The following SMAD2 variants were observed in gnomAD, a reference collection of about 807,000 sequenced individuals.
SMAD2 encodes MAD homolog 2.
In SMAD2, 8 loss-of-function variants were observed where a neutral mutation model predicts 64.4. The ratio of observed to expected loss-of-function variants is 0.12; its 90% CI spans 0.07 to 0.22. The LOEUF is 0.22. SMAD2 is among the 10% of genes least tolerant of loss of function. The pLI is 1.00. For synonymous variants in SMAD2, 203 were observed against 195.8 expected, an observed-to-expected ratio of 1.04 and a Z score of -0.31; for missense variants, 289 against 561.2, an observed-to-expected ratio of 0.51 and a Z score of 4.90.
intron 6 of SMAD2, among the ~76,000 whole-genome samples, chr18:47,860,988 T>C (rs189007027): frequency 6.6e-6 from 1 of 152,260 alleles, no homozygotes; most frequent in East Asian, 1.9e-4. Context: ...ATGTCCATTC[T>C]TATAGCTTCA....
chr18:47,920,790 C>T (rs866523979), intron 1 of SMAD2, among the ~76,000 whole-genome samples: 12 of 152,138 alleles, frequency 7.9e-5, no homozygotes, highest in Admixed American at 3.9e-4. Flanking sequence ...GCTATATAAA[C>T]GAAGTTATTT....
rs1913329684 is a variant in SMAD2 at position 47,835,472 on chromosome 18, T to C, written c.*6355A>G. On this transcript the variant is annotated 3_prime_UTR_variant, in exon 11 of 11. Coordinates refer to ENST00000262160, the MANE Select transcript of SMAD2 (RefSeq NM_005901.6). ...AGCTCGAACAATCCAAGATTGGGAATAGTAAGAGTGGCAAACAAATGTTTT... is the reference window on the plus strand; with the variant it reads ...AGCTCGAACAATCCAAGATTGGGAACAGTAAGAGTGGCAAACAAATGTTTT... 1 of 199,830 alleles carries C rather than the reference T, an allele frequency of 5.0e-6. No individual in the cohort carries two copies. Among genetic ancestry groups the C allele is most frequent in the African/African-American group, 2.3e-5 (1 of 43,474 alleles). The allele number at this position is 199,830 out of a possible 1,614,324, so 12.4% of individuals were successfully genotyped here. A position where few individuals can be genotyped will look rare whatever the true frequency, so the allele number is the denominator to read the frequency against.
chr18:47,914,780 A>AC (rs966661639), intron 1 of SMAD2, among the ~76,000 whole-genome samples: 2 of 151,648 alleles, frequency 1.3e-5, no homozygotes, highest in South Asian at 2.1e-4. Context: ...TGTCAGGGTG[A>AC]CCCCCCTTCC....
At position 47,850,225 on chromosome 18, in the gene SMAD2, ATATATAT is replaced by A. The variant is rs1195063877; in HGVS notation, c.784+1042_784+1048del. On this transcript the variant is annotated intron_variant, in intron 7 of 10. Transcript: ENST00000262160. ...ATATATATTATTATATATATGTATAATATATATTATATATTATATATTATATATATTA... is the reference window on the plus strand; with the variant it reads ...ATATATATTATTATATATATGTATAATATATATTATATATTATATATATTA... Among the ~76,000 whole-genome samples the A allele has an allele frequency of 2.1e-3, 113 of 54,438 alleles. 6 individuals carry two copies. Among genetic ancestry groups the A allele is most frequent in the East Asian group, 8.9e-3 (8 of 894 alleles). 35.7% of individuals were successfully genotyped at this position (54,438 alleles called of 152,430 possible).
rs71162900 is a variant in SMAD2 at position 47,882,041 on chromosome 18, C to CTTTTTTTTTTTTTTTTTTTTTTTTTTTTT, written c.237-11478_237-11477insAAAAAAAAAAAAAAAAAAAAAAAAAAAAA. On this transcript the variant is annotated intron_variant, in intron 2 of 10. Transcript: ENST00000262160. ...CACAGGAATGTACTACCACGCTTGG[C>CTTTTTTTTTTTTTTTTTTTTTTTTTTTTT]TTTTTTTTTTTTTTTTTTTTTTTTT... Among the ~76,000 whole-genome samples, 44 of 38,868 alleles carry CTTTTTTTTTTTTTTTTTTTTTTTTTTTTT rather than the reference C, an allele frequency of 1.1e-3. 7 individuals are homozygous for CTTTTTTTTTTTTTTTTTTTTTTTTTTTTT. Among genetic ancestry groups the CTTTTTTTTTTTTTTTTTTTTTTTTTTTTT allele is most frequent in the East Asian group, 3.4e-3 (4 of 1,168 alleles). 25.5% of individuals were successfully genotyped at this position (38,868 alleles called of 152,430 possible).
intron 2 of SMAD2, among the ~76,000 whole-genome samples, chr18:47,874,205 G>A (rs751591706): frequency 6.6e-6 from 1 of 152,138 alleles, no homozygotes; most frequent in Non-Finnish European, 1.5e-5. Context: ...GATATAAAAT[G>A]TATATGGAAA....
intron 2 of SMAD2, among the ~76,000 whole-genome samples, chr18:47,877,159 GTATT>G (rs1321302491): frequency 6.8e-6 from 1 of 147,890 alleles, no homozygotes; most frequent in Non-Finnish European, 1.5e-5. Context: ...CCTAAACAGT[GTATT>G]TTTTTTTTTT....
rs556862493 is a variant in SMAD2, at chr18:47,839,448, C to G, written c.*2379G>C. On this transcript the variant is annotated 3_prime_UTR_variant, in exon 11 of 11. Coordinates refer to ENST00000262160, the MANE Select transcript of SMAD2 (RefSeq NM_005901.6). ...TATTACCTAGGACATTTACTCTGCTCACAAGATGGGTAGTGGAAGACATAA... is the reference window on the plus strand; with the variant it reads ...TATTACCTAGGACATTTACTCTGCTGACAAGATGGGTAGTGGAAGACATAA... 7 of 233,300 alleles carry G rather than the reference C, an allele frequency of 3.0e-5. No homozygotes were observed. Among genetic ancestry groups the G allele is most frequent in the Admixed American group, 2.2e-4 (4 of 17,786 alleles). The allele number at this position is 233,300 out of a possible 1,614,324, so 14.5% of individuals were successfully genotyped here.
intron 7 of SMAD2, among the ~76,000 whole-genome samples, chr18:47,849,413 T>C (rs924345670): frequency 6.6e-6 from 1 of 151,878 alleles, no homozygotes; most frequent in Non-Finnish European, 1.5e-5. Flanking sequence ...ATTCCAAACA[T>C]GTAACAACCG....
chr18:47,912,067 C>G (rs2034158508), intron 1 of SMAD2: 1 of 152,176 alleles, frequency 6.6e-6, no homozygotes, highest in Non-Finnish European at 1.5e-5. Context: ...AAAGTTGACA[C>G]CAGAGCACAA....
intron 1 of SMAD2, among the ~76,000 whole-genome samples, chr18:47,910,033 C>T (rs1568107638): frequency 6.6e-6 from 1 of 152,082 alleles, no homozygotes; most frequent in Non-Finnish European, 1.5e-5. Context: ...GATGCCATTG[C>T]TGTTATAGAA....
At chr18:47,866,090 G>A (rs1293327966) in intron 5 of SMAD2, among the ~76,000 whole-genome samples, 1 of 152,084 alleles carries the variant, frequency 6.6e-6, no homozygotes, top group African/African-American at 2.4e-5. Flanking sequence ...GCCGAGGCAG[G>A]CAGATCACCT....
At chr18:47,918,984 C>A (rs1358540007) in intron 1 of SMAD2, among the ~76,000 whole-genome samples, 2 of 151,720 alleles carry the variant, frequency 1.3e-5, no homozygotes, top group African/African-American at 4.8e-5. Flanking sequence ...TGGAAAGGGC[C>A]CATCAAGACC....
chr18:47,917,033 G>A (rs775895848), intron 1 of SMAD2, among the ~76,000 whole-genome samples: 14 of 151,884 alleles, frequency 9.2e-5, no homozygotes, highest in Non-Finnish European at 1.5e-5. Flanking sequence ...TTTTGTTGTC[G>A]TTGTTGAGAC....
intron 2 of SMAD2, among the ~76,000 whole-genome samples, chr18:47,885,132 T>TATACACAC (rs1399778516): frequency 3.9e-4 from 55 of 142,188 alleles, no homozygotes; most frequent in South Asian, 9.4e-4. Flanking sequence ...TTTAGTCATA[T>TATACACAC]ACACACACAC....
rs1259409307 is a variant in SMAD2, at chr18:47,835,354, T to C, written c.*6473A>G. 4.9e-6 allele frequency: 1 copy of C among 203,990 alleles called. No homozygotes were observed. The highest frequency in any genetic ancestry group is 6.0e-5 in the Admixed American group (1 of 16,756). 12.6% of individuals were successfully genotyped at this position (203,990 alleles called of 1,614,324 possible). A position where few individuals can be genotyped will look rare whatever the true frequency, so the allele number is the denominator to read the frequency against. On this transcript the variant is annotated 3_prime_UTR_variant, in exon 11 of 11. Coordinates refer to ENST00000262160, the MANE Select transcript of SMAD2 (RefSeq NM_005901.6). ...AATTTTAATTAATCTGTGTGTATAT[T>C]AGTTATATAAAGCAATGGATTTCCA...
chr18:47,891,451 T>C (rs1247404461), intron 2 of SMAD2, among the ~76,000 whole-genome samples: 2 of 151,980 alleles, frequency 1.3e-5, no homozygotes, highest in African/African-American at 4.8e-5. Flanking sequence ...GGGAGACTGA[T>C]TTTTCCACCG....
rs34302955 is a variant in SMAD2 at position 47,866,316 on chromosome 18, C to CAAAAAAAAAAAAA, written c.656-1196_656-1184dup. ...GGGCAACAAGAGCAAAACACCGTCT[C>CAAAAAAAAAAAAA]AAAAAAAAAAAAAAAAAAAAAAAAA... is the stretch of plus-strand genomic sequence containing the variant. On this transcript the variant is annotated intron_variant, in intron 5 of 10. Transcript: ENST00000262160. 2.4e-4 allele frequency among the ~76,000 whole-genome samples: 10 copies of CAAAAAAAAAAAAA among 42,094 alleles called. 1 individual carries two copies. Among genetic ancestry groups the CAAAAAAAAAAAAA allele is most frequent in the African/African-American group, 9.0e-4 (9 of 9,952 alleles). The allele number at this position is 42,094 out of a possible 152,430, so 27.6% of individuals were successfully genotyped here.
Position 47,835,916 on chromosome 18 carries a change from A to G in SMAD2, c.*5911T>C. On this transcript the variant is annotated 3_prime_UTR_variant, in exon 11 of 11. Transcript: ENST00000262160. ...GAATACTTTTCTCGAAATTTTTTTG[A>G]AGAAAAATCTAAAAGCCCTCTATGT... The G allele has an allele frequency of 4.8e-6, 1 of 207,816 alleles. No individual in the cohort carries two copies. Among genetic ancestry groups the G allele is most frequent in the East Asian group, 7.3e-5 (1 of 13,734 alleles). The allele number at this position is 207,816 out of a possible 1,614,324, so 12.9% of individuals were successfully genotyped here. A position where few individuals can be genotyped will look rare whatever the true frequency, so the allele number is the denominator to read the frequency against.
Sources: gnomAD v4.1 joint callset for allele counts (sites outside exome capture counted in the v4.1 genomes callset) on GRCh38, gnomAD v4.1.1 for gene constraint, MANE v1.5 for transcripts, NCBI Gene and HGNC (gene_info 2026-07-23, HGNC 2026-07-21) for gene names.